The following RNF220 variants were observed in gnomAD, a reference collection of about 807,000 sequenced individuals.
The protein encoded by RNF220 is ring finger protein 220.
In RNF220, 7 loss-of-function variants were observed where a neutral mutation model predicts 67.1. The observed-to-expected ratio is 0.10, with a 90% confidence interval of 0.06 to 0.20. RNF220 has a LOEUF of 0.20. Ranked by LOEUF, RNF220 falls within the 10% of genes least tolerant of loss-of-function variation. The pLI is 1.00. For missense variants in RNF220, 565 were observed against 740.3 expected, an observed-to-expected ratio of 0.76 and a Z score of 2.75; for synonymous variants, 270 against 283.2, an observed-to-expected ratio of 0.95 and a Z score of 0.47.
chr1:44,518,622 A>T (rs1387995465), intron 2 of RNF220, among the ~76,000 whole-genome samples: 1 of 152,138 alleles, frequency 6.6e-6, no homozygotes, highest in African/African-American at 2.4e-5. Flanking sequence ...CACACCTGTA[A>T]TCCCAGCACT....
intron 12 of RNF220, chr1:44,648,776 G>C (rs1159861082): frequency 1.3e-5 from 2 of 152,446 alleles, no homozygotes; most frequent in East Asian, 3.9e-4. Context: ...TCTTCAGCAG[G>C]TGTTTGCTCA....
At chr1:44,555,686 A>G (rs140293431) in intron 2 of RNF220, among the ~76,000 whole-genome samples, 4,168 of 149,382 alleles carry the variant, frequency 0.028, 438 homozygotes, top group African/African-American at 0.098. Context: ...CGTGTTAGCC[A>G]GGATGGTCTC....
chr1:44,530,923 A>G (rs897841007), intron 2 of RNF220, among the ~76,000 whole-genome samples: 5 of 152,220 alleles, frequency 3.3e-5, no homozygotes, highest in Admixed American at 2.6e-4. Context: ...AGATTGCGCC[A>G]TTGCACTCCA....
At chr1:44,603,268 G>T (rs575444917) in intron 2 of RNF220, among the ~76,000 whole-genome samples, 1 of 152,204 alleles carries the variant, frequency 6.6e-6, no homozygotes, top group East Asian at 1.9e-4. Context: ...TTACTGTCTC[G>T]CCTTTGCTGG....
At chr1:44,418,175 AGTGG>A (rs958930580) in intron 2 of RNF220, among the ~76,000 whole-genome samples, 5 of 151,992 alleles carry the variant, frequency 3.3e-5, no homozygotes, top group African/African-American at 1.2e-4. Context: ...GGGAGGCGCT[AGTGG>A]GTGCACGGGG....
At chr1:44,465,117 G>T (rs1029919721) in intron 2 of RNF220, among the ~76,000 whole-genome samples, 1 of 152,106 alleles carries the variant, frequency 6.6e-6, no homozygotes, top group Non-Finnish European at 1.5e-5. Flanking sequence ...TGGGGTTTCA[G>T]TTCAAGTCTG....
In RNF220 at chr1:44,632,326, C is replaced by T. The variant is rs774164851; in HGVS notation, c.907-17C>T. Reference sequence around the variant, plus strand: ...CTCTCTTTTCTTTTCTTGCATCTGCCCGCGATCTTCTCCCAGACCTTTCTG... The same window carrying T: ...CTCTCTTTTCTTTTCTTGCATCTGCTCGCGATCTTCTCCCAGACCTTTCTG... On this transcript the variant is annotated splice_polypyrimidine_tract_variant and intron_variant, in intron 5 of 14. Coordinates refer to ENST00000361799, the MANE Select transcript of RNF220 (RefSeq NM_018150.4). 3 of 1,613,992 alleles carry T rather than the reference C, an allele frequency of 1.9e-6. No individual in the cohort carries two copies. Among genetic ancestry groups the T allele is most frequent in the African/African-American group, 1.3e-5 (1 of 74,938 alleles).
At position 44,644,728 on chromosome 1, in the gene RNF220, A is replaced by G. The variant is rs200316239; in HGVS notation, c.1157A>G (p.Glu386Gly). ...GGCTTCATCATGTGCAGCGGCAAAGAGAACCCGGACAGTGATGCTGACTTG... is the reference window on the plus strand; with the variant it reads ...GGCTTCATCATGTGCAGCGGCAAAGGGAACCCGGACAGTGATGCTGACTTG... ...GSGFIMCSGK[E>G]NPDSDADLDV... Residue 386 changes from glutamate to glycine, a missense_variant, in exon 9 of 15, where the codon GAG (glutamate) becomes GGG (glycine). Physicochemically the swap from Glu to Gly is moderately conservative, Grantham distance 98. Transcript: ENST00000361799. 3.3e-4 allele frequency: 526 copies of G among 1,614,172 alleles called. 1 individual carries two copies. The highest frequency in any genetic ancestry group is 4.1e-4 in the Non-Finnish European group (482 of 1,180,008).
chr1:44,645,213 T>C lies in RNF220; in HGVS notation c.1311-8T>C. ...CTCACTTTGTTTTTCCTCCCTCCTT[T>C]CCTCCAGTGGCGGCCCTCCCAGCAC... On this transcript the variant is annotated splice_region_variant and splice_polypyrimidine_tract_variant and intron_variant, in intron 10 of 14. Transcript: ENST00000361799. This position sits in a 1 kb window ranked among gnomAD's most constrained non-coding sequence, Gnocchi z 5.0. 3 of 1,614,006 alleles carry C rather than the reference T, an allele frequency of 1.9e-6. No individual in the cohort carries two copies. Among genetic ancestry groups the C allele is most frequent in the South Asian group, 2.2e-5 (2 of 91,082 alleles).
intron 2 of RNF220, among the ~76,000 whole-genome samples, chr1:44,522,890 T>C (rs188248035): frequency 6.6e-6 from 1 of 152,340 alleles, no homozygotes; most frequent in East Asian, 1.9e-4. Flanking sequence ...TGCATGCATA[T>C]GCTTAAGCAC....
chr1:44,500,631 T>C (rs1193443701), intron 2 of RNF220, among the ~76,000 whole-genome samples: 1 of 152,190 alleles, frequency 6.6e-6, no homozygotes, highest in African/African-American at 2.4e-5. Flanking sequence ...GAAGCGTGTT[T>C]AGACCTTTCC....
At chr1:44,536,817 T>C (rs1043130690) in intron 2 of RNF220, among the ~76,000 whole-genome samples, 2 of 152,162 alleles carry the variant, frequency 1.3e-5, no homozygotes, top group East Asian at 3.8e-4. Context: ...GTGCAGTATA[T>C]AACGTTTTAT....
At chr1:44,504,754 C>G (rs1658258910) in intron 2 of RNF220, among the ~76,000 whole-genome samples, 1 of 152,186 alleles carries the variant, frequency 6.6e-6, no homozygotes, top group African/African-American at 2.4e-5. Context: ...CCGAGAATCT[C>G]TTTTTGGAAA....
intron 2 of RNF220, among the ~76,000 whole-genome samples, chr1:44,504,217 G>A (rs1389476177): frequency 1.3e-5 from 2 of 152,184 alleles, no homozygotes; most frequent in Non-Finnish European, 2.9e-5. Flanking sequence ...GCTGATCAAT[G>A]TTGCCACCCT....
intron 2 of RNF220, among the ~76,000 whole-genome samples, chr1:44,468,108 C>T (rs904445399): frequency 1.6e-5 from 2 of 123,932 alleles, no homozygotes; most frequent in African/African-American, 2.9e-5. Flanking sequence ...CAAAATGTGA[C>T]GCAGACACAA....
intron 4 of RNF220, 65 bp from the exon 5 acceptor site, chr1:44,626,232 G>T (rs774463003): frequency 9.1e-5 from 114 of 1,250,034 alleles, no homozygotes; most frequent in Non-Finnish European, 1.2e-4. Flanking sequence ...ACAGGACTGG[G>T]AACTCTAGGG....
chr1:44,536,678 G>A (rs769228349), intron 2 of RNF220, among the ~76,000 whole-genome samples: 13 of 152,042 alleles, frequency 8.6e-5, no homozygotes, highest in Non-Finnish European at 1.8e-4. Context: ...TCTGCCCCTC[G>A]AAAAGGCCCC....
chr1:44,561,150 G>C (rs192471592), intron 2 of RNF220, among the ~76,000 whole-genome samples: 10 of 152,306 alleles, frequency 6.6e-5, no homozygotes, highest in Admixed American at 6.5e-5. Context: ...TAAAGATACT[G>C]AACTAACCCC....
At chr1:44,626,754 A>C in intron 5 of RNF220, 1 of 218,930 alleles carries the variant, frequency 4.6e-6, no homozygotes, top group Non-Finnish European at 9.1e-6. Flanking sequence ...AAAGCATGAT[A>C]CCGGCCGGGT....
Sources: gnomAD v4.1 joint callset for allele counts (sites outside exome capture counted in the v4.1 genomes callset) on GRCh38, gnomAD v4.1.1 for gene constraint, Gnocchi (gnomAD v3.1) non-coding constraint, MANE v1.5 for transcripts, NCBI Gene and HGNC (gene_info 2026-07-23, HGNC 2026-07-21) for gene names.